TBR1: variants seen among roughly 807,000 people sequenced by gnomAD.
TBR1 encodes the protein T-box brain protein 1.
In TBR1, 7 loss-of-function variants were observed where a neutral mutation model predicts 60.3. The observed-to-expected ratio is 0.12, with a 90% CI of 0.07 to 0.22. TBR1 has a LOEUF of 0.22. Ranked by LOEUF, TBR1 falls within the 10% of genes least tolerant of loss-of-function variation. The pLI is 1.00. For missense variants in TBR1, 616 were observed against 936.8 expected (o/e 0.66, Z 4.47); for synonymous variants, 417 against 409.9 (o/e 1.02, Z -0.21).
In TBR1 at chr2:161,416,554, A is replaced by C; in HGVS notation, c.144A>C (p.Arg48Ser). The C allele has an allele frequency of 6.2e-7, 1 of 1,614,148 alleles. No homozygotes were observed. The highest frequency in any genetic ancestry group is 8.5e-7 in the Non-Finnish European group (1 of 1,180,030). ...TCTCGACCACTGACAACCTGGAGAG[A>C]AGTTCACCTTTGAAAAAAATTACCA... ...PIISTTDNLERSSPLKKITRG... is the reference protein window; with the variant it reads ...PIISTTDNLESSSPLKKITRG... The change falls in exon 1 of 6, where the codon AGA (arginine) becomes AGC (serine). Residue 48 changes from arginine to serine, a missense_variant. This residue lies in a region of TBR1 where 211 missense variants were observed against 268.7 expected (regional missense o/e 0.79). Transcript: ENST00000389554. The surrounding 1 kb of genome is among the most constrained non-coding windows in gnomAD (Gnocchi z 6.1).
Position 161,417,269 on chromosome 2 carries a change from G to T in TBR1, c.692+167G>T, listed in dbSNP as rs1574149333. 4.3e-6 allele frequency: 3 copies of T among 696,928 alleles called. 1 individual carries two copies. Among genetic ancestry groups the T allele is most frequent in the South Asian group, 3.9e-5 (2 of 50,708 alleles). 43.2% of individuals were successfully genotyped at this position (696,928 alleles called of 1,614,324 possible). A position where few individuals can be genotyped will look rare whatever the true frequency, so the allele number is the denominator to read the frequency against. On this transcript the variant is annotated intron_variant, in intron 1 of 5. Coordinates refer to ENST00000389554, the MANE Select transcript of TBR1 (RefSeq NM_006593.4). The surrounding 1 kb of genome is among the most constrained non-coding windows in gnomAD (Gnocchi z 5.3). Reference sequence around the variant, plus strand: ...GAAAGTGGAAGGGATAACCGCCAGGGTGATGTTGGTGGGGGGGACCCCGTT... The same window carrying T: ...GAAAGTGGAAGGGATAACCGCCAGGTTGATGTTGGTGGGGGGGACCCCGTT...
intron 5 of TBR1, chr2:161,421,172 G>C (rs1684225927): frequency 6.6e-6 from 1 of 152,260 alleles, no homozygotes; most frequent in Non-Finnish European, 1.5e-5. Context: ...TAAAAGGAAA[G>C]GGTACATACA....
At position 161,417,594 on chromosome 2, in the gene TBR1, G is replaced by T. The variant is rs1248653397; in HGVS notation, c.693-82G>T. Reference sequence around the variant, plus strand: ...AGTACAAGTTTTGCTTTGCTAACTGGCGCCCCGCTTCTTGCATTTAATCTT... The same window carrying T: ...AGTACAAGTTTTGCTTTGCTAACTGTCGCCCCGCTTCTTGCATTTAATCTT... On this transcript the variant is annotated intron_variant, in intron 1 of 5. Coordinates refer to ENST00000389554, the MANE Select transcript of TBR1 (RefSeq NM_006593.4). The surrounding 1 kb of genome is among the most constrained non-coding windows in gnomAD (Gnocchi z 5.3). The T allele has an allele frequency of 4.0e-6, 6 of 1,515,122 alleles. No homozygotes were observed. The highest frequency in any genetic ancestry group is 5.3e-6 in the Non-Finnish European group (6 of 1,126,126). The allele number at this position is 1,515,122 out of a possible 1,614,324, so 93.9% of individuals were successfully genotyped here.
chr2:161,418,601 G>T, intron 3 of TBR1: 1 of 544,892 alleles, frequency 1.8e-6, no homozygotes, highest in Non-Finnish European at 3.1e-6. Context: ...GCAGGTTGTG[G>T]AAATCTTTGT....
In TBR1 at chr2:161,423,981, C is replaced by G. The variant is rs1397401258; in HGVS notation, c.1803C>G (p.Ala601=). 2 of 1,553,750 alleles carry G rather than the reference C, an allele frequency of 1.3e-6. No individual in the cohort carries two copies. The highest frequency in any genetic ancestry group is 1.9e-5 in the Admixed American group (1 of 51,374). Residue 601 remains alanine, a synonymous_variant, in exon 6 of 6, where the codon GCC becomes GCG. Coordinates refer to ENST00000389554, the MANE Select transcript of TBR1 (RefSeq NM_006593.4). ...AERSPLPPGA[A]EDAKPKDLSD... ...GCTCGCCGCTGCCGCCCGGCGCCGC[C>G]GAGGACGCCAAGCCCAAGGACCTGT...
chr2:161,423,594 G>C lies in TBR1; in HGVS notation c.1416G>C (p.Gln472His). ...PHTNGLLSPQQAEDPGAPSPQ... is the reference protein window; with the variant it reads ...PHTNGLLSPQHAEDPGAPSPQ... ...CCAACGGGCTGCTGTCGCCGCAGCA[G>C]GCCGAGGACCCGGGCGCGCCCTCGC... The change falls in exon 6 of 6, where the codon CAG becomes CAC. Residue 472 changes from glutamine to histidine, a missense_variant. Gln to His is a conservative substitution (Grantham distance 24). Transcript: ENST00000389554. 2 of 1,538,390 alleles carry C rather than the reference G, an allele frequency of 1.3e-6. No individual in the cohort carries two copies. The highest frequency in any genetic ancestry group is 1.7e-6 in the Non-Finnish European group (2 of 1,148,816).
Position 161,417,759 on chromosome 2 carries a change from C to A in TBR1, c.776C>A (p.Ala259Glu). The change falls in exon 2 of 6, where the codon GCG (alanine) becomes GAG (glutamate). Residue 259 changes from alanine to glutamate, a missense_variant. By Grantham distance (107) the Ala-to-Glu change is moderately radical. Coordinates refer to ENST00000389554, the MANE Select transcript of TBR1 (RefSeq NM_006593.4). This position sits in a 1 kb window ranked among gnomAD's most constrained non-coding sequence, Gnocchi z 5.3. ...AATATTTTTGTGGATGTGATTTTGG[C>A]GGATCCCAATCACTGGAGGTTTCAA... ...HYNIFVDVIL[A>E]DPNHWRFQGG... 1 of 1,614,016 alleles carries A rather than the reference C, an allele frequency of 6.2e-7. No individual in the cohort carries two copies. The highest frequency in any genetic ancestry group is 8.5e-7 in the Non-Finnish European group (1 of 1,180,000).
chr2:161,417,409 G>A lies in TBR1; in HGVS notation c.693-267G>A, dbSNP rs892812618. On this transcript the variant is annotated intron_variant, in intron 1 of 5. Coordinates refer to ENST00000389554, the MANE Select transcript of TBR1 (RefSeq NM_006593.4). This position sits in a 1 kb window ranked among gnomAD's most constrained non-coding sequence, Gnocchi z 5.3. ...GCATCAACACTGGCATGCACGGACA[G>A]GTGGAGACGCAGGTCGCCAACCTCG... 2.3e-5 allele frequency: 13 copies of A among 567,044 alleles called. No individual in the cohort carries two copies. The highest frequency in any genetic ancestry group is 3.7e-5 in the Non-Finnish European group (12 of 323,182). The allele number at this position is 567,044 out of a possible 1,614,324, so 35.1% of individuals were successfully genotyped here. A position where few individuals can be genotyped will look rare whatever the true frequency, so the allele number is the denominator to read the frequency against.
Position 161,417,034 on chromosome 2 carries a change from G to A in TBR1, c.624G>A (p.Leu208=), listed in dbSNP as rs779451695. The A allele has an allele frequency of 6.2e-7, 1 of 1,613,458 alleles. No homozygotes were observed. Among genetic ancestry groups the A allele is most frequent in the Non-Finnish European group, 8.5e-7 (1 of 1,179,790 alleles). ...TGCCCGGCAAAGCACAGGTGTACCT[G>A]TGCAACAGGCCCCTTTGGCTGAAAT... ...GLVPGKAQVY[L]CNRPLWLKFH... Residue 208 remains leucine (L), a synonymous_variant, in exon 1 of 6, where the codon CTG becomes CTA. Coordinates refer to ENST00000389554, the MANE Select transcript of TBR1 (RefSeq NM_006593.4). The surrounding 1 kb of genome is among the most constrained non-coding windows in gnomAD (Gnocchi z 5.3).
In TBR1 at chr2:161,418,197, C is replaced by T; in HGVS notation, c.848-4C>T. 3 of 1,610,642 alleles carry T rather than the reference C, an allele frequency of 1.9e-6. No homozygotes were observed. Among genetic ancestry groups the T allele is most frequent in the Non-Finnish European group, 2.5e-6 (3 of 1,178,840 alleles). On this transcript the variant is annotated splice_region_variant and splice_polypyrimidine_tract_variant and intron_variant, in intron 2 of 5. Coordinates refer to ENST00000389554, the MANE Select transcript of TBR1 (RefSeq NM_006593.4). Reference sequence around the variant, plus strand: ...ATATGTAAACAATGTATTTCTTTCTCTAGGAAATCGGGTCTATATGCATCC... The same window carrying T: ...ATATGTAAACAATGTATTTCTTTCTTTAGGAAATCGGGTCTATATGCATCC...
chr2:161,418,184 T>C lies in TBR1; in HGVS notation c.848-17T>C. ...CAGTGCCAGGGGCATATGTAAACAATGTATTTCTTTCTCTAGGAAATCGGG... is the reference window on the plus strand; with the variant it reads ...CAGTGCCAGGGGCATATGTAAACAACGTATTTCTTTCTCTAGGAAATCGGG... On this transcript the variant is annotated splice_polypyrimidine_tract_variant and intron_variant, in intron 2 of 5. Transcript: ENST00000389554. The C allele has an allele frequency of 6.2e-7, 1 of 1,609,066 alleles. No individual in the cohort carries two copies. Among genetic ancestry groups the C allele is most frequent in the Non-Finnish European group, 8.5e-7 (1 of 1,177,976 alleles).
At chr2:161,420,300 G>C (rs375081745) in intron 5 of TBR1, 43 bp downstream of exon 5, 41 of 1,539,732 alleles carry the variant, frequency 2.7e-5, no homozygotes, top group Admixed American at 5.0e-5. Context: ...CTGTGGAATT[G>C]GGCTTTAGGT....
chr2:161,421,581 A>G (rs929540709), intron 5 of TBR1: 7 of 152,270 alleles, frequency 4.6e-5, no homozygotes, highest in African/African-American at 1.7e-4. Context: ...ACATCTGTTC[A>G]AAAGCATTTT....
intron 4 of TBR1, 163 bp downstream of exon 4, chr2:161,419,213 G>C (rs1053981463): frequency 2.6e-5 from 26 of 1,004,408 alleles, no homozygotes; most frequent in South Asian, 4.9e-5. Context: ...CCTGCCCACG[G>C]CACCTTTCCT....
At chr2:161,420,418 C>CTTTT (rs67826360) in intron 5 of TBR1, 161 bp downstream of exon 5, 552 of 95,154 alleles carry the variant, frequency 5.8e-3, no homozygotes, top group African/African-American at 7.6e-3. Flanking sequence ...TCTTCCTCTT[C>CTTTT]TTTTTTTTTT....
In TBR1 at chr2:161,417,265, C is replaced by CT; in HGVS notation, c.692+163_692+164insT. The CT allele has an allele frequency of 8.3e-6, 6 of 720,562 alleles. No individual in the cohort carries two copies. Among genetic ancestry groups the CT allele is most frequent in the South Asian group, 5.8e-5 (3 of 51,358 alleles). 44.6% of individuals were successfully genotyped at this position (720,562 alleles called of 1,614,324 possible). ...GGGGGAAAGTGGAAGGGATAACCGC[C>CT]AGGGTGATGTTGGTGGGGGGGACCC... On this transcript the variant is annotated intron_variant, in intron 1 of 5. Transcript: ENST00000389554. The surrounding 1 kb of genome is among the most constrained non-coding windows in gnomAD (Gnocchi z 5.3).
At chr2:161,421,276 A>G (rs1452312759) in intron 5 of TBR1, 1 of 152,258 alleles carries the variant, frequency 6.6e-6, no homozygotes, top group Non-Finnish European at 1.5e-5. Flanking sequence ...GGAGAAAGAG[A>G]CAAGTGACTG....
At chr2:161,420,374 A>T in intron 5 of TBR1, 117 bp downstream of exon 5, 1 of 432,906 alleles carries the variant, frequency 2.3e-6, no homozygotes, top group Non-Finnish European at 3.9e-6. Context: ...AGGTTGTTTT[A>T]GAGGACTTCT....
chr2:161,416,610 A>G lies in TBR1; in HGVS notation c.200A>G (p.Asn67Ser), dbSNP rs1238846280. 6.2e-7 allele frequency: 1 copy of G among 1,614,060 alleles called. No homozygotes were observed. Among genetic ancestry groups the G allele is most frequent in the East Asian group, 2.2e-5 (1 of 44,874 alleles). Residue 67 changes from asparagine (N) to serine (S), a missense_variant, in exon 1 of 6, where the codon AAT becomes AGT. Physicochemically the swap from Asn to Ser is conservative, Grantham distance 46. Transcript: ENST00000389554. This position sits in a 1 kb window ranked among gnomAD's most constrained non-coding sequence, Gnocchi z 6.1. ...ATGACGAATCAGTCAGATACAGACAATTTTCCTGACTCCAAGGACTCACCA... is the reference window on the plus strand; with the variant it reads ...ATGACGAATCAGTCAGATACAGACAGTTTTCCTGACTCCAAGGACTCACCA... ...RGMTNQSDTDNFPDSKDSPGD... is the reference protein window; with the variant it reads ...RGMTNQSDTDSFPDSKDSPGD...
Sources: gnomAD v4.1 joint callset for allele counts on GRCh38, gnomAD v4.1.1 for gene constraint, gnomAD v4.1.1 regional missense constraint, Gnocchi (gnomAD v3.1) non-coding constraint, MANE v1.5 for transcripts, NCBI Gene and HGNC (gene_info 2026-07-23, HGNC 2026-07-21) for gene names.